TANGO6: variants seen among roughly 807,000 people sequenced by gnomAD.
TANGO6 encodes the protein transport and Golgi organization protein 6 homolog.
A neutral mutation model predicts 114.2 loss-of-function variants in TANGO6; 90 were observed. The ratio of observed to expected loss-of-function variants is 0.79; its 90% CI spans 0.66 to 0.94. TANGO6 has a LOEUF of 0.94. Ranked by LOEUF, TANGO6 falls within the 40% of genes least tolerant of loss-of-function variation. The pLI is 0.00. For missense variants in TANGO6, 1,274 were observed against 1,315.3 expected, an observed-to-expected ratio of 0.97 and a Z score of 0.49; for synonymous variants, 477 against 509.8, an observed-to-expected ratio of 0.94 and a Z score of 0.87.
At chr16:69,073,812 C>A (rs541677385) in intron 17 of TANGO6, among the ~76,000 whole-genome samples, 1 of 151,744 alleles carries the variant, frequency 6.6e-6, no homozygotes, top group Non-Finnish European at 1.5e-5. Flanking sequence ...AAAATTAGCT[C>A]GGCATGGTGG....
chr16:68,845,223 C>T (rs536681513), intron 1 of TANGO6, among the ~76,000 whole-genome samples: 7 of 152,274 alleles, frequency 4.6e-5, no homozygotes, highest in African/African-American at 1.4e-4. Context: ...CTGCCTTGGC[C>T]TCCCAAAGTG....
chr16:68,972,490 C>T (rs1040166786), intron 14 of TANGO6, among the ~76,000 whole-genome samples: 2 of 152,158 alleles, frequency 1.3e-5, no homozygotes, highest in East Asian at 3.9e-4. Flanking sequence ...ATTTATATTA[C>T]TTCTTCCCCA....
At chr16:69,012,838 T>A (rs1278838778) in intron 15 of TANGO6, among the ~76,000 whole-genome samples, 7 of 152,180 alleles carry the variant, frequency 4.6e-5, no homozygotes, top group Non-Finnish European at 5.9e-5. Flanking sequence ...TGAATTAGGA[T>A]CTCGGAGCCT....
chr16:68,925,224 C>T (rs921526385), intron 12 of TANGO6, among the ~76,000 whole-genome samples: 9 of 152,050 alleles, frequency 5.9e-5, no homozygotes, highest in African/African-American at 1.9e-4. Context: ...GTGGGGGAAT[C>T]GCTTGAACCT....
intron 5 of TANGO6, among the ~76,000 whole-genome samples, chr16:68,875,866 A>G (rs939860274): frequency 6.6e-6 from 1 of 151,934 alleles, no homozygotes; most frequent in Non-Finnish European, 1.5e-5. Flanking sequence ...CTTGTTCGTT[A>G]TCTTTTCTCT....
chr16:68,911,377 C>T (rs901088411), intron 11 of TANGO6, among the ~76,000 whole-genome samples: 3 of 151,516 alleles, frequency 2.0e-5, no homozygotes, highest in African/African-American at 7.3e-5. Flanking sequence ...AATGACAACC[C>T]AGTAGCAATA....
intron 14 of TANGO6, among the ~76,000 whole-genome samples, chr16:68,949,080 G>T (rs1567546557): frequency 6.6e-6 from 1 of 152,206 alleles, no homozygotes. Flanking sequence ...CAGCTACCTG[G>T]GAGGCTGAGG....
At chr16:68,988,795 G>A (rs1443582425) in intron 15 of TANGO6, among the ~76,000 whole-genome samples, 4 of 150,562 alleles carry the variant, frequency 2.7e-5, no homozygotes, top group Admixed American at 2.0e-4. Flanking sequence ...AAACTCCAGG[G>A]CTCAAGTGGT....
chr16:68,969,127 T>G (rs1963678736), intron 14 of TANGO6, among the ~76,000 whole-genome samples: 1 of 152,194 alleles, frequency 6.6e-6, no homozygotes, highest in South Asian at 2.1e-4. Flanking sequence ...ATAGCTAGTT[T>G]CCTACGGTCA....
At chr16:69,021,753 G>A (rs1237619026) in intron 15 of TANGO6, among the ~76,000 whole-genome samples, 1 of 152,108 alleles carries the variant, frequency 6.6e-6, no homozygotes, top group Non-Finnish European at 1.5e-5. Context: ...GGGGTCTAGG[G>A]TCTAGCCTGG....
intron 4 of TANGO6, among the ~76,000 whole-genome samples, chr16:68,868,462 G>GT (rs1596996283): frequency 7.1e-6 from 1 of 140,446 alleles, no homozygotes; most frequent in South Asian, 2.4e-4. Flanking sequence ...CTTTCAGTGA[G>GT]TTTTTTCTGG....
intron 1 of TANGO6, among the ~76,000 whole-genome samples, chr16:68,847,336 G>C (rs936149796): frequency 1.3e-5 from 2 of 152,042 alleles, no homozygotes; most frequent in Non-Finnish European, 2.9e-5. Flanking sequence ...CCCCTGAGAG[G>C]GTCTTGGGAA....
intron 15 of TANGO6, among the ~76,000 whole-genome samples, chr16:69,022,494 G>A (rs772196993): frequency 6.6e-5 from 10 of 151,954 alleles, no homozygotes; most frequent in African/African-American, 1.7e-4. Flanking sequence ...GCTTGAGCCC[G>A]GGAGTTCAAG....
chr16:68,981,778 C>T (rs912133265), intron 15 of TANGO6, among the ~76,000 whole-genome samples: 1 of 152,128 alleles, frequency 6.6e-6, no homozygotes, highest in South Asian at 2.1e-4. Flanking sequence ...GAATTCAAAA[C>T]GTTTTGAGCA....
chr16:69,069,324 T>A (rs975927565), intron 17 of TANGO6, among the ~76,000 whole-genome samples: 4 of 152,214 alleles, frequency 2.6e-5, no homozygotes, highest in African/African-American at 9.6e-5. Context: ...TGTTCTCTAC[T>A]GACAATTCTT....
At chr16:69,033,882 C>A (rs1371902968) in intron 16 of TANGO6, 2 of 172,408 alleles carry the variant, frequency 1.2e-5, no homozygotes, top group South Asian at 1.6e-4. Context: ...AAGATCAAGT[C>A]CCTGGAGACC....
intron 17 of TANGO6, among the ~76,000 whole-genome samples, chr16:69,073,385 T>A (rs1435836686): frequency 2.0e-5 from 3 of 152,218 alleles, no homozygotes; most frequent in Non-Finnish European, 2.9e-5. Context: ...GAGAATTGCC[T>A]GCGTTTCTCT....
At chr16:68,883,839 G>T (rs1321772522) in intron 7 of TANGO6, among the ~76,000 whole-genome samples, 1 of 152,112 alleles carries the variant, frequency 6.6e-6, no homozygotes, top group Non-Finnish European at 1.5e-5. Context: ...CTTTTGTTTT[G>T]CTTTAAGCGT....
At chr16:69,005,547 G>A (rs1458987577) in intron 15 of TANGO6, among the ~76,000 whole-genome samples, 1 of 151,954 alleles carries the variant, frequency 6.6e-6, no homozygotes, top group Non-Finnish European at 1.5e-5. Context: ...ATCTCAGGAG[G>A]CCAATCCCAG....
Sources: gnomAD v4.1 joint callset for allele counts (sites outside exome capture counted in the v4.1 genomes callset) on GRCh38, gnomAD v4.1.1 for gene constraint, MANE v1.5 for transcripts, NCBI Gene and HGNC (gene_info 2026-07-23, HGNC 2026-07-21) for gene names.